The following SOX5 variants were observed in gnomAD, a reference collection of about 807,000 sequenced individuals.
SOX5 encodes the protein SRY-box transcription factor 5.
Under a neutral mutation model 92.0 loss-of-function variants are expected in SOX5, and 9 were observed. The observed-to-expected ratio is 0.10, with a 90% CI of 0.06 to 0.17. SOX5 has a LOEUF of 0.17. SOX5 is among the 10% of genes least tolerant of loss of function. The pLI is 1.00. For missense variants in SOX5, 642 were observed against 944.5 expected, an observed-to-expected ratio of 0.68 and a Z score of 4.20; for synonymous variants, 344 against 336.3, an observed-to-expected ratio of 1.02 and a Z score of -0.25.
chr12:23,885,510 T>C (rs2097054229), intron 2 of SOX5, among the ~76,000 whole-genome samples: 1 of 152,214 alleles, frequency 6.6e-6, no homozygotes, highest in Non-Finnish European at 1.5e-5. Context: ...TGCTCCTCTA[T>C]ATAATGATAA....
At chr12:24,194,663 C>G (rs577902111) in intron 4 of SOX5, among the ~76,000 whole-genome samples, 1 of 152,150 alleles carries the variant, frequency 6.6e-6, no homozygotes, top group East Asian at 1.9e-4. Context: ...AAGACTCATC[C>G]TACTGTTAAA....
intron 4 of SOX5, among the ~76,000 whole-genome samples, chr12:24,158,728 T>C (rs1051123364): frequency 6.6e-6 from 1 of 151,966 alleles, no homozygotes; most frequent in Non-Finnish European, 1.5e-5. Flanking sequence ...AAAACTCCTC[T>C]GAAGGCCTAT....
intron 3 of SOX5, among the ~76,000 whole-genome samples, chr12:24,268,972 G>A (rs2140308951): frequency 6.6e-6 from 1 of 152,220 alleles, no homozygotes; most frequent in Non-Finnish European, 1.5e-5. Flanking sequence ...CATTAATGTT[G>A]CACAATTTAG....
intron 1 of SOX5, among the ~76,000 whole-genome samples, chr12:24,530,742 C>CAAAAAAAAAAAAAA (rs1232680620): frequency 9.2e-6 from 1 of 108,482 alleles, no homozygotes; most frequent in Non-Finnish European, 2.0e-5. Context: ...GACTCCATCT[C>CAAAAAAAAAAAAAA]AAAAAAAAAA....
chr12:23,864,681 C>T (rs1228727632), intron 2 of SOX5, among the ~76,000 whole-genome samples: 1 of 152,084 alleles, frequency 6.6e-6, no homozygotes. Context: ...TCCATGAAGG[C>T]TGAGAGAGGT....
At chr12:23,882,170 G>C (rs1170839401) in intron 2 of SOX5, among the ~76,000 whole-genome samples, 1 of 152,056 alleles carries the variant, frequency 6.6e-6, no homozygotes, top group Non-Finnish European at 1.5e-5. Context: ...CACATGTATT[G>C]TGGCTTTCTC....
At position 24,266,066 on chromosome 12, in the gene SOX5, G is replaced by A. The variant is rs988443397; in HGVS notation, c.-77+11150C>T. ...TGTGTGTGTGTGTGTGTGTGTGTGTGTGTGTGTGTGTGTGTGTGTTTTATT... is the reference window on the plus strand; with the variant it reads ...TGTGTGTGTGTGTGTGTGTGTGTGTATGTGTGTGTGTGTGTGTGTTTTATT... On this transcript the variant is annotated intron_variant, in intron 3 of 4. Coordinates refer to the SOX5 transcript ENST00000446891. Among the ~76,000 whole-genome samples, 268 of 150,658 alleles carry A rather than the reference G, an allele frequency of 1.8e-3. 4 individuals carry two copies. Among genetic ancestry groups the A allele is most frequent in the African/African-American group, 5.9e-3 (241 of 40,894 alleles).
chr12:23,945,339 G>T (rs1944397386), intron 1 of SOX5, among the ~76,000 whole-genome samples: 1 of 151,644 alleles, frequency 6.6e-6, no homozygotes, highest in Non-Finnish European at 1.5e-5. Flanking sequence ...AGAAACATAA[G>T]ATAAGGACAC....
At chr12:23,582,074 A>T in intron 9 of SOX5, 1 of 826,104 alleles carries the variant, frequency 1.2e-6, no homozygotes, top group African/African-American at 1.8e-5. Flanking sequence ...TGCTGCTATT[A>T]TCCTCTCTGA....
chr12:23,719,866 T>G (rs1022647388), intron 6 of SOX5, among the ~76,000 whole-genome samples: 3 of 149,986 alleles, frequency 2.0e-5, no homozygotes, highest in Admixed American at 1.3e-4. Context: ...CTCAGAGAGA[T>G]GATCTGCTGT....
chr12:23,913,322 A>G (rs1308891707), intron 1 of SOX5, among the ~76,000 whole-genome samples: 3 of 152,092 alleles, frequency 2.0e-5, no homozygotes, highest in Non-Finnish European at 2.9e-5. Context: ...TGTTAGATCT[A>G]CATTAGGTAC....
intron 7 of SOX5, among the ~76,000 whole-genome samples, chr12:23,647,307 G>C (rs552086134): frequency 2.6e-5 from 4 of 152,158 alleles, no homozygotes; most frequent in Non-Finnish European, 5.9e-5. Flanking sequence ...AGTAAATCAC[G>C]CTGTCAATAG....
At chr12:23,604,202 GAATA>G (rs1416359394) in intron 9 of SOX5, 181 bp downstream of exon 9, 3 of 577,252 alleles carry the variant, frequency 5.2e-6, no homozygotes, top group Non-Finnish European at 9.3e-6. Context: ...TTGAATAAAT[GAATA>G]AATGAATGAT....
At chr12:24,180,664 C>T (rs1426009485) in intron 4 of SOX5, among the ~76,000 whole-genome samples, 3 of 152,202 alleles carry the variant, frequency 2.0e-5, no homozygotes, top group Non-Finnish European at 2.9e-5. Flanking sequence ...TCCTTTTCCC[C>T]TATCCAAGCA....
Position 24,384,274 on chromosome 12 carries a change from A to G in SOX5, c.-250-15635T>C, listed in dbSNP as rs548890221. On this transcript the variant is annotated intron_variant, in intron 1 of 4. Coordinates refer to the SOX5 transcript ENST00000446891. The stretch of plus-strand genomic sequence containing the variant: ...TCACAATAGGGTTTGCGCTCCTACA[A>G]GAGTCTAGTGCCATGGCTGCTCTGA... 4.6e-5 allele frequency among the ~76,000 whole-genome samples: 7 copies of G among 152,322 alleles called. No homozygotes were observed. In the South Asian group the frequency reaches 6.2e-4, roughly 14 times the overall value.
At chr12:23,753,854 G>T (rs2094271260) in intron 4 of SOX5, among the ~76,000 whole-genome samples, 1 of 151,774 alleles carries the variant, frequency 6.6e-6, no homozygotes, top group South Asian at 2.1e-4. Flanking sequence ...GATAGTAATT[G>T]CAACTGTCAT....
At chr12:24,322,555 TA>T (rs1303212845) in intron 2 of SOX5, among the ~76,000 whole-genome samples, 1 of 152,182 alleles carries the variant, frequency 6.6e-6, no homozygotes, top group African/African-American at 2.4e-5. Flanking sequence ...CAGGCTGACC[TA>T]AATTTTCTTT....
At position 23,841,204 on chromosome 12, in the gene SOX5, A is replaced by T. The variant is rs75682615; in HGVS notation, c.481+4779T>A. 7.5e-3 allele frequency among the ~76,000 whole-genome samples: 1,144 copies of T among 152,260 alleles called. 35 individuals carry two copies. The highest frequency in any genetic ancestry group is 0.036 in the East Asian group (189 of 5,188). Reference sequence around the variant, plus strand: ...CACTTCATTAAAGGCATATAAGCACACAAAAGATGCTGAACATTTCTTAAA... The same window carrying T: ...CACTTCATTAAAGGCATATAAGCACTCAAAAGATGCTGAACATTTCTTAAA... On this transcript the variant is annotated intron_variant, in intron 3 of 14. Transcript: ENST00000451604.
chr12:24,387,580 G>C (rs902118709), intron 1 of SOX5, among the ~76,000 whole-genome samples: 33 of 152,102 alleles, frequency 2.2e-4, no homozygotes, highest in African/African-American at 7.7e-4. Flanking sequence ...AGGAGATGGA[G>C]TGAGTCTTGG....
Sources: gnomAD v4.1 joint callset for allele counts (sites outside exome capture counted in the v4.1 genomes callset) on GRCh38, gnomAD v4.1.1 for gene constraint, MANE v1.5 for transcripts, NCBI Gene and HGNC (gene_info 2026-07-23, HGNC 2026-07-21) for gene names.